ERG: variants seen among roughly 807,000 people sequenced by gnomAD.
ERG encodes ETS transcription factor ERG.
Under a neutral mutation model 55.3 loss-of-function variants are expected in ERG, and 9 were observed. The ratio of observed to expected loss-of-function variants is 0.16; its 90% CI spans 0.10 to 0.28. ERG has a LOEUF of 0.28. ERG is among the 10% of genes least tolerant of loss of function. ERG has a pLI of 1.00. For synonymous variants in ERG, 223 were observed against 237.3 expected (o/e 0.94, Z 0.55); for missense variants, 434 against 631.6 (o/e 0.69, Z 3.35).
intron 1 of ERG, among the ~76,000 whole-genome samples, chr21:38,458,423 CAAAA>C (rs35307490): frequency 7.2e-5 from 6 of 83,720 alleles, no homozygotes; most frequent in African/African-American, 4.7e-5. Context: ...GACTCTGGCT[CAAAA>C]AAAAAAAAAA....
At chr21:38,400,733 GACAA>G in intron 5 of ERG, 88 bp from the exon 6 acceptor site, 8 of 1,007,536 alleles carry the variant, frequency 7.9e-6, no homozygotes, top group African/African-American at 1.6e-5. Flanking sequence ...TTTTCCCTAT[GACAA>G]CAAAGGGAAG....
intron 2 of ERG, among the ~76,000 whole-genome samples, chr21:38,508,928 C>T (rs1234245777): frequency 6.6e-6 from 1 of 152,158 alleles, no homozygotes. Flanking sequence ...AAACCTCAGC[C>T]ACCATACGGG....
upstream of ERG, among the ~76,000 whole-genome samples, chr21:38,501,238 T>C (rs1308237452): frequency 2.0e-5 from 3 of 151,760 alleles, no homozygotes; most frequent in African/African-American, 7.3e-5. Context: ...GCTAATTTTT[T>C]TTGTATTTTT....
At chr21:38,574,205 C>T (rs1187800705) in intron 2 of ERG, among the ~76,000 whole-genome samples, 1 of 152,174 alleles carries the variant, frequency 6.6e-6, no homozygotes, top group Non-Finnish European at 1.5e-5. Flanking sequence ...TCAGCAGACA[C>T]TAAAAATTAA....
intron 3 of ERG, among the ~76,000 whole-genome samples, chr21:38,419,551 T>C (rs779088863): frequency 1.3e-4 from 19 of 151,870 alleles, no homozygotes; most frequent in Middle Eastern, 6.8e-3. Flanking sequence ...ACCTCACTCC[T>C]GGTTTTACTC....
intron 1 of ERG, among the ~76,000 whole-genome samples, chr21:38,579,545 T>C (rs932688103): frequency 1.3e-5 from 2 of 152,068 alleles, no homozygotes; most frequent in African/African-American, 4.8e-5. Context: ...GGAGCCTTGA[T>C]GAACAAGAAG....
rs528454681 is a variant in ERG at position 38,432,633 on chromosome 21, C to T, written c.237-9072G>A. ...TAACATGGTGCCTGGCACATGACCA[C>T]GCCAGGTGTCAGCTATTGCTGTTAG... is the stretch of plus-strand genomic sequence containing the variant. On this transcript the variant is annotated intron_variant, in intron 2 of 9. Transcript: ENST00000288319. 1.8e-4 allele frequency among the ~76,000 whole-genome samples: 27 copies of T among 152,296 alleles called. No individual in the cohort carries two copies. In the South Asian group the frequency reaches 4.1e-3, roughly 23 times the overall value.
At position 38,638,228 on chromosome 21, in the gene ERG, G is replaced by A. The variant is rs760757418; in HGVS notation, c.-150+23430C>T. On this transcript the variant is annotated intron_variant, in intron 1 of 10. Transcript: ENST00000398910. ...ATTCCATGCCTCAGGTTCCTGCTCT[G>A]TGAGTTGGGAATAACAGAGCCCCTC... is the stretch of plus-strand genomic sequence containing the variant. Among the ~76,000 whole-genome samples the A allele has an allele frequency of 9.8e-5, 15 of 152,294 alleles. No homozygotes were observed. The South Asian group carries it at 1.9e-3, about 19-fold the overall frequency.
intron 1 of ERG, among the ~76,000 whole-genome samples, chr21:38,577,709 G>A (rs937379680): frequency 6.6e-6 from 1 of 152,206 alleles, no homozygotes. Flanking sequence ...ATTCAGCCCG[G>A]AAGGGGAGCG....
chr21:38,402,659 G>A lies in ERG; in HGVS notation c.593-22C>T, dbSNP rs750524873. 23 of 1,161,830 alleles carry A rather than the reference G, an allele frequency of 2.0e-5. No homozygotes were observed. Among genetic ancestry groups the A allele is most frequent in the East Asian group, 3.2e-5 (1 of 31,524 alleles). 72.0% of individuals were successfully genotyped at this position (1,161,830 alleles called of 1,614,324 possible). The stretch of plus-strand genomic sequence containing the variant: ...GGAGCTACAAAACAAAACAAAAAGC[G>A]ACATCAAAATGAAAAAAAAAAGAGA... On this transcript the variant is annotated intron_variant, in intron 4 of 9. Coordinates refer to ENST00000288319, the MANE Select transcript of ERG (RefSeq NM_182918.4).
chr21:38,549,485 T>C (rs1317677252), intron 2 of ERG, among the ~76,000 whole-genome samples: 1 of 152,236 alleles, frequency 6.6e-6, no homozygotes, highest in Non-Finnish European at 1.5e-5. Flanking sequence ...CAATCTACTT[T>C]TCTGCAATTT....
At chr21:38,557,598 A>C (rs2146829124) in intron 2 of ERG, among the ~76,000 whole-genome samples, 1 of 152,356 alleles carries the variant, frequency 6.6e-6, no homozygotes, top group African/African-American at 2.4e-5. Context: ...TAAAAGGTTA[A>C]GTTTTTAACA....
intron 1 of ERG, among the ~76,000 whole-genome samples, chr21:38,640,565 T>G (rs1053225797): frequency 1.3e-5 from 2 of 152,190 alleles, no homozygotes; most frequent in Non-Finnish European, 2.9e-5. Context: ...CAAGATCTGA[T>G]GGTTTTATGA....
At chr21:38,444,740 AC>A (rs66904568) in intron 2 of ERG, among the ~76,000 whole-genome samples, 15,405 of 138,838 alleles carry the variant, frequency 0.11, 969 homozygotes, top group African/African-American at 0.18. Flanking sequence ...AAAAAAAAAA[AC>A]AAACAGCAGG....
intron 2 of ERG, among the ~76,000 whole-genome samples, chr21:38,529,674 C>T (rs1246716629): frequency 2.0e-5 from 3 of 152,096 alleles, no homozygotes; most frequent in Non-Finnish European, 4.4e-5. Flanking sequence ...CATTAAGATA[C>T]ACATGGCTGG....
intron 2 of ERG, among the ~76,000 whole-genome samples, chr21:38,437,843 C>T (rs568429524): frequency 6.6e-6 from 1 of 152,334 alleles, no homozygotes; most frequent in Non-Finnish European, 1.5e-5. Flanking sequence ...TGTCTCCCAT[C>T]CTACACCCAC....
At chr21:38,417,776 G>A (rs577517754) in intron 3 of ERG, among the ~76,000 whole-genome samples, 2 of 152,154 alleles carry the variant, frequency 1.3e-5, no homozygotes, top group Non-Finnish European at 2.9e-5. Flanking sequence ...GCAACAGAGC[G>A]AGGCTCCATC....
intron 1 of ERG, among the ~76,000 whole-genome samples, chr21:38,492,895 G>T (rs1377617259): frequency 6.6e-6 from 1 of 152,158 alleles, no homozygotes; most frequent in Admixed American, 6.6e-5. Context: ...AAAATGTAAT[G>T]AAATACTAAA....
intron 2 of ERG, among the ~76,000 whole-genome samples, chr21:38,529,542 A>G (rs1352189781): frequency 3.9e-5 from 6 of 152,220 alleles, no homozygotes. Context: ...GGGAAGGAGT[A>G]GCCTTGGGGA....
Sources: gnomAD v4.1 joint callset for allele counts (sites outside exome capture counted in the v4.1 genomes callset) on GRCh38, gnomAD v4.1.1 for gene constraint, MANE v1.5 for transcripts, NCBI Gene and HGNC (gene_info 2026-07-23, HGNC 2026-07-21) for gene names.